SLC1A1: variants seen among roughly 807,000 people sequenced by gnomAD.
SLC1A1 encodes excitatory amino acid transporter 3.
SLC1A1 carries 43 observed loss-of-function variants against 53.3 expected under a neutral mutation model. The observed-to-expected ratio is 0.81, with a 90% CI of 0.63 to 1.04. SLC1A1 has a LOEUF of 1.04. SLC1A1 is among the 50% of genes least tolerant of loss of function. The pLI is 0.00. For missense variants in SLC1A1, 748 were observed against 664.9 expected, an observed-to-expected ratio of 1.12 and a Z score of -1.37; for synonymous variants, 307 against 243.2, an observed-to-expected ratio of 1.26 and a Z score of -2.44.
chr9:4,562,952 A>C (rs1304230149), intron 3 of SLC1A1, among the ~76,000 whole-genome samples: 1 of 112,330 alleles, frequency 8.9e-6, no homozygotes, highest in Non-Finnish European at 1.7e-5. Context: ...GGAACATCAC[A>C]CTCTGGGGAC....
intron 1 of SLC1A1, among the ~76,000 whole-genome samples, chr9:4,509,482 G>A (rs1245862994): frequency 2.0e-5 from 3 of 152,022 alleles, no homozygotes; most frequent in African/African-American, 7.3e-5. Flanking sequence ...AGTACAGTGA[G>A]GGCTGAGTTG....
intron 11 of SLC1A1, among the ~76,000 whole-genome samples, chr9:4,584,831 G>C (rs1311655747): frequency 6.6e-6 from 1 of 152,082 alleles, no homozygotes; most frequent in Admixed American, 6.6e-5. Context: ...ACCTAGATTG[G>C]TAAATAAACA....
chr9:4,550,914 G>A (rs778194576), intron 2 of SLC1A1, among the ~76,000 whole-genome samples: 8 of 152,188 alleles, frequency 5.3e-5, no homozygotes, highest in South Asian at 2.1e-4. Context: ...GCCACAGACC[G>A]TATGTAAATG....
At chr9:4,577,556 A>G (rs766999379) in intron 10 of SLC1A1, among the ~76,000 whole-genome samples, 9 of 151,868 alleles carry the variant, frequency 5.9e-5, no homozygotes, top group Admixed American at 1.3e-4. Flanking sequence ...GCTCACCACA[A>G]CCTCCGCCTC....
chr9:4,568,810 A>G (rs1008105060), intron 6 of SLC1A1, among the ~76,000 whole-genome samples: 5 of 152,176 alleles, frequency 3.3e-5, no homozygotes, highest in Admixed American at 3.3e-4. Flanking sequence ...TGCTTTAGAT[A>G]AGCTTCATTC....
chr9:4,495,616 G>A (rs1158553034), intron 1 of SLC1A1, among the ~76,000 whole-genome samples: 1 of 152,098 alleles, frequency 6.6e-6, no homozygotes, highest in Non-Finnish European at 1.5e-5. Context: ...GGTATCTGGG[G>A]AGCATCCTAG....
chr9:4,544,556 G>T lies in SLC1A1; in HGVS notation c.92-11G>T. On this transcript the variant is annotated splice_polypyrimidine_tract_variant and intron_variant, in intron 1 of 11. Coordinates refer to ENST00000262352, the MANE Select transcript of SLC1A1 (RefSeq NM_004170.6). ...TTCCTCTTCCTTCTTTCCAACTCTT[G>T]TTTTCCTTAGGCATTACCACAGGAG... is the stretch of plus-strand genomic sequence containing the variant. 1 of 1,612,644 alleles carries T rather than the reference G, an allele frequency of 6.2e-7. No homozygotes were observed. The highest frequency in any genetic ancestry group is 1.1e-5 in the South Asian group (1 of 91,054).
chr9:4,509,552 G>A (rs1223496156), intron 1 of SLC1A1, among the ~76,000 whole-genome samples: 4 of 150,466 alleles, frequency 2.7e-5, no homozygotes, highest in Non-Finnish European at 3.0e-5. Context: ...AAGGGAGGGC[G>A]GGAGAAAATA....
chr9:4,530,861 T>A (rs1816441597), intron 1 of SLC1A1, among the ~76,000 whole-genome samples: 1 of 152,262 alleles, frequency 6.6e-6, no homozygotes, highest in Admixed American at 6.5e-5. Context: ...TACTGTACTT[T>A]CTTACCTTAA....
At chr9:4,582,506 CT>C (rs1821192439) in intron 10 of SLC1A1, among the ~76,000 whole-genome samples, 1 of 152,184 alleles carries the variant, frequency 6.6e-6, no homozygotes, top group African/African-American at 2.4e-5. Context: ...CTGAAATGCC[CT>C]TGCCCATCTG....
At position 4,549,626 on chromosome 9, in the gene SLC1A1, C is replaced by T. The variant is rs141998772; in HGVS notation, c.232+4919C>T. Among the ~76,000 whole-genome samples the T allele has an allele frequency of 2.0e-5, 3 of 152,266 alleles. No homozygotes were observed. Among genetic ancestry groups the T allele is most frequent in the East Asian group, 3.9e-4 (2 of 5,180 alleles). On this transcript the variant is annotated intron_variant, in intron 2 of 11. Transcript: ENST00000262352. The surrounding 1 kb of genome is among the most constrained non-coding windows in gnomAD (Gnocchi z 4.1). ...ACCAAGTTCTAAGAAGGAAAAATTC[C>T]GCTATCACACAGGCCATCCTGTCCT...
chr9:4,585,187 C>T (rs1184505503), intron 11 of SLC1A1, 125 bp from the exon 12 acceptor site: 32 of 1,293,392 alleles, frequency 2.5e-5, no homozygotes, highest in Non-Finnish European at 3.3e-5. Context: ...GTCAGTCAGC[C>T]ATGAGGACAG....
In SLC1A1 at chr9:4,576,131, G is replaced by A; in HGVS notation, c.998+8G>A. On this transcript the variant is annotated splice_region_variant and intron_variant, in intron 9 of 11. Transcript: ENST00000262352. ...TCTCATGATCTCTTCCAGGTAAACA[G>A]AAGAGGGGTTTCTGGAAGAAGCCTC... 6.2e-7 allele frequency: 1 copy of A among 1,613,626 alleles called. No homozygotes were observed. Among genetic ancestry groups the A allele is most frequent in the South Asian group, 1.1e-5 (1 of 91,070 alleles).
At chr9:4,535,671 C>G (rs1202742662) in intron 1 of SLC1A1, among the ~76,000 whole-genome samples, 1 of 152,128 alleles carries the variant, frequency 6.6e-6, no homozygotes, top group African/African-American at 2.4e-5. Context: ...CCCCATCAAG[C>G]TACCAATGAC....
In SLC1A1 at chr9:4,564,395, A is replaced by C; in HGVS notation, c.377A>C (p.Glu126Ala). ...IKPGVTQKVG[E>A]IARTGSTPEV... is the part of the protein sequence containing the mutation. ...CCTGGTGTCACCCAGAAAGTGGGTG[A>C]AATTGCGAGGACAGGCAGCACCCCT... The change falls in exon 4 of 12, where the codon GAA becomes GCA. Residue 126 changes from glutamate to alanine, a missense_variant. Glu to Ala is a moderately radical substitution (Grantham distance 107). Transcript: ENST00000262352. The C allele has an allele frequency of 6.2e-7, 1 of 1,613,968 alleles. No homozygotes were observed. The highest frequency in any genetic ancestry group is 8.5e-7 in the Non-Finnish European group (1 of 1,179,960).
At chr9:4,533,326 G>A (rs1045956292) in intron 1 of SLC1A1, among the ~76,000 whole-genome samples, 9 of 152,276 alleles carry the variant, frequency 5.9e-5, no homozygotes, top group African/African-American at 1.9e-4. Context: ...CCCATCTCAT[G>A]GGCAGAGACA....
At chr9:4,492,473 A>G (rs1820271677) in intron 1 of SLC1A1, among the ~76,000 whole-genome samples, 1 of 138,278 alleles carries the variant, frequency 7.2e-6, no homozygotes, top group African/African-American at 2.7e-5. Flanking sequence ...CAGAGCAAGA[A>G]TCCACCAAAA....
intron 2 of SLC1A1, among the ~76,000 whole-genome samples, chr9:4,557,212 C>T (rs947532419): frequency 9.2e-5 from 14 of 152,338 alleles, no homozygotes; most frequent in African/African-American, 3.4e-4. Context: ...TTATTTAAGG[C>T]ACTGGGGGCC....
chr9:4,493,111 G>A (rs370650861), intron 1 of SLC1A1, among the ~76,000 whole-genome samples: 7 of 152,192 alleles, frequency 4.6e-5, no homozygotes. Context: ...AGCCCCAAGA[G>A]CTTAGTTTGA....
Sources: gnomAD v4.1 joint callset for allele counts (sites outside exome capture counted in the v4.1 genomes callset) on GRCh38, gnomAD v4.1.1 for gene constraint, Gnocchi (gnomAD v3.1) non-coding constraint, MANE v1.5 for transcripts, NCBI Gene and HGNC (gene_info 2026-07-23, HGNC 2026-07-21) for gene names.